BMP2K: variants seen among roughly 807,000 people sequenced by gnomAD.
BMP2K encodes the protein BMP-2-inducible protein kinase.
A neutral mutation model predicts 116.0 loss-of-function variants in BMP2K; 74 were observed. The ratio of observed to expected loss-of-function variants is 0.64; its 90% CI spans 0.53 to 0.77. BMP2K has a LOEUF of 0.77. Ranked by LOEUF, BMP2K falls within the 30% of genes least tolerant of loss-of-function variation. The pLI is 0.00. For missense variants in BMP2K, 1,365 were observed against 1,403.6 expected (o/e 0.97, Z 0.44); for synonymous variants, 486 against 502.5 (o/e 0.97, Z 0.44).
intron 1 of BMP2K, among the ~76,000 whole-genome samples, chr4:78,798,188 G>C (rs2076841541): frequency 6.6e-6 from 1 of 152,178 alleles, no homozygotes; most frequent in Admixed American, 6.5e-5. Flanking sequence ...GGAAAGTCTT[G>C]GAGTTTGGTA....
At chr4:78,902,257 C>T (rs560411664) in intron 15 of BMP2K, among the ~76,000 whole-genome samples, 1 of 152,196 alleles carries the variant, frequency 6.6e-6, no homozygotes, top group East Asian at 1.9e-4. Context: ...AAACCCTATT[C>T]TGTAAATAGC....
In BMP2K at chr4:78,855,870, G is replaced by T. The variant is rs149069873; in HGVS notation, c.884-3714G>T. On this transcript the variant is annotated intron_variant, in intron 7 of 15. Coordinates refer to ENST00000502613, the MANE Select transcript of BMP2K (RefSeq NM_198892.2). ...TTAAAAAGTTGATTTTATATTTATAGTAGAATCAGATTCAGTGGTAATGGT... is the reference window on the plus strand; with the variant it reads ...TTAAAAAGTTGATTTTATATTTATATTAGAATCAGATTCAGTGGTAATGGT... Among the ~76,000 whole-genome samples, 4 of 152,222 alleles carry T rather than the reference G, an allele frequency of 2.6e-5. No homozygotes were observed. In the East Asian group the frequency reaches 7.7e-4, roughly 29 times the overall value.
intron 1 of BMP2K, among the ~76,000 whole-genome samples, chr4:78,807,896 A>G (rs555232694): frequency 1.3e-5 from 2 of 151,826 alleles, no homozygotes; most frequent in African/African-American, 4.8e-5. Context: ...TTGTTTTTCT[A>G]GTTTTTTCTT....
intron 7 of BMP2K, among the ~76,000 whole-genome samples, chr4:78,855,299 C>T (rs1417873478): frequency 6.6e-6 from 1 of 152,092 alleles, no homozygotes; most frequent in East Asian, 1.9e-4. Flanking sequence ...GGATGTTTCT[C>T]ATTTCAGGGA....
intron 13 of BMP2K, among the ~76,000 whole-genome samples, chr4:78,874,781 G>C (rs1437428933): frequency 6.6e-6 from 1 of 152,130 alleles, no homozygotes; most frequent in Non-Finnish European, 1.5e-5. Flanking sequence ...TGGCATGCAA[G>C]GTGCTGATGC....
intron 14 of BMP2K, among the ~76,000 whole-genome samples, chr4:78,881,314 AT>A (rs1732868978): frequency 6.6e-6 from 1 of 152,172 alleles, no homozygotes; most frequent in Non-Finnish European, 1.5e-5. Flanking sequence ...CTCAGTGGTA[AT>A]TTAACAGTCA....
At chr4:78,834,337 C>T (rs1463957140) in intron 3 of BMP2K, among the ~76,000 whole-genome samples, 2 of 151,578 alleles carry the variant, frequency 1.3e-5, no homozygotes, top group Non-Finnish European at 2.9e-5. Context: ...TCTCGGCTCA[C>T]TACCAGCTCG....
In BMP2K at chr4:78,833,668, C is replaced by T. The variant is rs149913140; in HGVS notation, c.384C>T (p.Ile128=). 1.9e-6 allele frequency: 3 copies of T among 1,602,144 alleles called. No homozygotes were observed. Among genetic ancestry groups the T allele is most frequent in the African/African-American group, 2.7e-5 (2 of 74,226 alleles). The change falls in exon 3 of 16, where the codon ATC becomes ATT. Residue 128 remains isoleucine, a synonymous_variant. Transcript: ENST00000502613. ...SISDNVWEVL[I]LMEYCRAGQV... Reference sequence around the variant, plus strand: ...GTGATAATGTATGGGAAGTCCTTATCTTAATGGAATATTGTCGAGGTAAGT... The same window carrying T: ...GTGATAATGTATGGGAAGTCCTTATTTTAATGGAATATTGTCGAGGTAAGT...
rs1386920337 is a variant in BMP2K, at chr4:78,850,934, G to A, written c.761G>A (p.Cys254Tyr). 6.2e-7 allele frequency: 1 copy of A among 1,611,552 alleles called. No individual in the cohort carries two copies. Among genetic ancestry groups the A allele is most frequent in the African/African-American group, 1.3e-5 (1 of 74,774 alleles). ...TTKADIWALG[C>Y]LLYKLCFFTL... Reference sequence around the variant, plus strand: ...TTCTTTGGTTTACAGGCACTGGGATGTCTACTCTATAAACTTTGTTTCTTC... The same window carrying A: ...TTCTTTGGTTTACAGGCACTGGGATATCTACTCTATAAACTTTGTTTCTTC... Residue 254 changes from cysteine (C) to tyrosine (Y), a missense_variant, in exon 7 of 16, where the codon TGT becomes TAT. Physicochemically the swap from Cys to Tyr is radical, Grantham distance 194. This residue lies in a region of BMP2K where 762 missense variants were observed against 756.7 expected (regional missense o/e 1.01). Transcript: ENST00000502613.
intron 1 of BMP2K, among the ~76,000 whole-genome samples, chr4:78,793,409 C>CAAAA (rs59725143): frequency 1.2e-5 from 1 of 81,098 alleles, no homozygotes; most frequent in Non-Finnish European, 2.9e-5. Flanking sequence ...GACTCCGTCT[C>CAAAA]AAAAAAAAAA....
intron 1 of BMP2K, among the ~76,000 whole-genome samples, chr4:78,801,407 T>C (rs1728563713): frequency 6.6e-6 from 1 of 151,662 alleles, no homozygotes; most frequent in Non-Finnish European, 1.5e-5. Context: ...GAAATAACTT[T>C]CCATTGTAAG....
chr4:78,783,415 C>G (rs1019012673), intron 1 of BMP2K, among the ~76,000 whole-genome samples: 3 of 152,104 alleles, frequency 2.0e-5, no homozygotes, highest in African/African-American at 7.2e-5. Flanking sequence ...TAGTTTTATT[C>G]AAGGACAAGC....
intron 3 of BMP2K, among the ~76,000 whole-genome samples, chr4:78,841,793 G>A (rs1730771731): frequency 6.6e-6 from 1 of 151,974 alleles, no homozygotes; most frequent in Non-Finnish European, 1.5e-5. Flanking sequence ...TTTGTACATA[G>A]TACTCAGTAT....
At chr4:78,897,167 T>TGA (rs1432743440) in intron 15 of BMP2K, among the ~76,000 whole-genome samples, 1 of 151,572 alleles carries the variant, frequency 6.6e-6, no homozygotes, top group African/African-American at 2.4e-5. Flanking sequence ...AACTTTTTTT[T>TGA]GAGAGCAGCT....
intron 7 of BMP2K, among the ~76,000 whole-genome samples, chr4:78,855,401 G>T (rs1379247402): frequency 6.6e-6 from 1 of 152,136 alleles, no homozygotes; most frequent in Non-Finnish European, 1.5e-5. Context: ...AAATTGTTTT[G>T]AGACTTCTAT....
intron 1 of BMP2K, among the ~76,000 whole-genome samples, chr4:78,810,194 G>C (rs553638058): frequency 1.3e-5 from 2 of 152,314 alleles, no homozygotes; most frequent in African/African-American, 2.4e-5. Flanking sequence ...GTGTGTTGGG[G>C]CATGAATTCA....
rs1732373173 is a variant in BMP2K at position 78,871,858 on chromosome 4, T to C, written c.1518T>C (p.His506=). Residue 506 remains histidine, a synonymous_variant, in exon 12 of 16, where the codon CAT becomes CAC. Transcript: ENST00000502613. ...TGATTTTCTCGTTGTAGTATCAACA[T>C]GCAACACAGCAGCAACAGATGCTTC... ...LQDAYMQQYQ[H]ATQQQQMLQQ... The C allele has an allele frequency of 6.2e-7, 1 of 1,611,136 alleles. No individual in the cohort carries two copies. The highest frequency in any genetic ancestry group is 8.5e-7 in the Non-Finnish European group (1 of 1,178,504).
At chr4:78,883,382 C>CA (rs2045583883) in intron 14 of BMP2K, among the ~76,000 whole-genome samples, 1 of 152,072 alleles carries the variant, frequency 6.6e-6, no homozygotes, top group Non-Finnish European at 1.5e-5. Context: ...TCCTGAGACT[C>CA]ACATTTTCAT....
chr4:78,898,728 G>T (rs1372966717), intron 15 of BMP2K: 3 of 150,634 alleles, frequency 2.0e-5, no homozygotes, highest in African/African-American at 7.3e-5. Context: ...TTGAAAGCAA[G>T]TGAGAAATAA....
Sources: gnomAD v4.1 joint callset for allele counts (sites outside exome capture counted in the v4.1 genomes callset) on GRCh38, gnomAD v4.1.1 for gene constraint, gnomAD v4.1.1 regional missense constraint, MANE v1.5 for transcripts, NCBI Gene and HGNC (gene_info 2026-07-23, HGNC 2026-07-21) for gene names.